Variants in WWOX observed in about 807,000 individuals in gnomAD.
WWOX encodes WW domain containing oxidoreductase.
In WWOX, 69 loss-of-function variants were observed where a neutral mutation model predicts 46.2. The ratio of observed to expected loss-of-function variants is 1.49; its 90% CI spans 1.23 to 1.82. WWOX has a LOEUF of 1.82. Among genes scored for constraint, WWOX ranks in the 40% most tolerant of loss-of-function variants. The pLI is 0.00. For missense variants in WWOX, 919 were observed against 542.6 expected, an observed-to-expected ratio of 1.69 and a Z score of -6.89; for synonymous variants, 359 against 202.6, an observed-to-expected ratio of 1.77 and a Z score of -6.56.
intron 8 of WWOX, among the ~76,000 whole-genome samples, chr16:78,532,447 A>G (rs1401666121): frequency 6.6e-6 from 1 of 152,158 alleles, no homozygotes; most frequent in African/African-American, 2.4e-5. Context: ...GCTGAAATGC[A>G]TGAACATGCT....
At chr16:78,887,077 G>GT (rs1555559537) in intron 8 of WWOX, among the ~76,000 whole-genome samples, 1 of 61,310 alleles carries the variant, frequency 1.6e-5, no homozygotes, top group African/African-American at 4.6e-5. Context: ...GTGTGTGTGT[G>GT]GTGTGTGTGT....
At chr16:78,695,368 A>G in intron 8 of WWOX, among the ~76,000 whole-genome samples, 1 of 152,142 alleles carries the variant, frequency 6.6e-6, no homozygotes, top group African/African-American at 2.4e-5. Flanking sequence ...TTTAAGCAGG[A>G]AACAATGAAT....
At chr16:78,123,751 C>T (rs113989352) in intron 4 of WWOX, 4 of 151,590 alleles carry the variant, frequency 2.6e-5, no homozygotes, top group Admixed American at 2.6e-4. Context: ...CTACTGCACC[C>T]GCAACCCTAT....
intron 8 of WWOX, among the ~76,000 whole-genome samples, chr16:79,046,909 C>G (rs1488516564): frequency 6.6e-6 from 1 of 152,168 alleles, no homozygotes; most frequent in Non-Finnish European, 1.5e-5. Flanking sequence ...CGATTGGTTA[C>G]TCAAATTCTT....
chr16:78,863,836 A>G (rs554564937), intron 8 of WWOX, among the ~76,000 whole-genome samples: 10 of 152,328 alleles, frequency 6.6e-5, no homozygotes, highest in Non-Finnish European at 1.0e-4. Flanking sequence ...TCCACATCCT[A>G]TAAATGCTAT....
At chr16:78,685,892 G>GA (rs747084818) in intron 8 of WWOX, among the ~76,000 whole-genome samples, 27 of 113,518 alleles carry the variant, frequency 2.4e-4, no homozygotes, top group South Asian at 6.6e-4. Context: ...AGAGAGAGAG[G>GA]AAAAAAAACA....
chr16:78,382,844 A>G (rs911387527), intron 5 of WWOX, among the ~76,000 whole-genome samples: 1 of 152,074 alleles, frequency 6.6e-6, no homozygotes, highest in African/African-American at 2.4e-5. Flanking sequence ...AAGTTGTGTT[A>G]GTTCCTTCTC....
At chr16:78,178,722 G>A (rs1021376636) in intron 5 of WWOX, among the ~76,000 whole-genome samples, 4 of 152,084 alleles carry the variant, frequency 2.6e-5, no homozygotes, top group African/African-American at 9.7e-5. Flanking sequence ...AAATTAGCCA[G>A]TTGTCTTGGC....
intron 8 of WWOX, among the ~76,000 whole-genome samples, chr16:78,449,021 A>G (rs1381124551): frequency 6.6e-6 from 1 of 152,136 alleles, no homozygotes; most frequent in Non-Finnish European, 1.5e-5. Flanking sequence ...AAGCAGTGTT[A>G]TTACAGGGTA....
intron 8 of WWOX, among the ~76,000 whole-genome samples, chr16:78,543,908 A>G (rs144433183): frequency 2.0e-5 from 3 of 152,294 alleles, no homozygotes; most frequent in African/African-American, 7.2e-5. Flanking sequence ...AATCATCAAT[A>G]AACTAACATC....
At chr16:78,847,045 C>A (rs1170904171) in intron 8 of WWOX, among the ~76,000 whole-genome samples, 1 of 152,222 alleles carries the variant, frequency 6.6e-6, no homozygotes. Context: ...TTTTGACATG[C>A]CCCGTTCTTT....
At chr16:78,226,412 A>G (rs990466610) in intron 5 of WWOX, among the ~76,000 whole-genome samples, 1 of 151,686 alleles carries the variant, frequency 6.6e-6, no homozygotes, top group Non-Finnish European at 1.5e-5. Context: ...GATGCTGCCT[A>G]GAAAATATTA....
At chr16:78,610,081 A>G (rs373817063) in intron 8 of WWOX, among the ~76,000 whole-genome samples, 1 of 152,054 alleles carries the variant, frequency 6.6e-6, no homozygotes, top group Admixed American at 6.6e-5. Context: ...TGCTTCAGCA[A>G]GGTTTCTTTG....
chr16:78,106,209 A>G (rs2032133232), intron 1 of WWOX, among the ~76,000 whole-genome samples: 1 of 152,162 alleles, frequency 6.6e-6, no homozygotes, highest in Non-Finnish European at 1.5e-5. Flanking sequence ...GGAAAATGCA[A>G]GTCCATCTCT....
At chr16:79,167,521 A>G (rs1217105396) in intron 8 of WWOX, among the ~76,000 whole-genome samples, 1 of 152,040 alleles carries the variant, frequency 6.6e-6, no homozygotes, top group Non-Finnish European at 1.5e-5. Flanking sequence ...GACCTGCACT[A>G]GATGTTTTGC....
intron 8 of WWOX, among the ~76,000 whole-genome samples, chr16:78,465,042 T>C (rs1209503533): frequency 6.6e-6 from 1 of 152,146 alleles, no homozygotes; most frequent in Non-Finnish European, 1.5e-5. Context: ...GGAACTGCCC[T>C]TTATAAAATC....
chr16:78,173,877 T>C (rs1176259556), intron 5 of WWOX, among the ~76,000 whole-genome samples: 2 of 151,974 alleles, frequency 1.3e-5, no homozygotes, highest in African/African-American at 4.8e-5. Context: ...CCTTGTTGAG[T>C]TCTTAGTGAG....
At chr16:78,811,063 C>T (rs886299150) in intron 8 of WWOX, among the ~76,000 whole-genome samples, 7 of 152,174 alleles carry the variant, frequency 4.6e-5, no homozygotes, top group African/African-American at 1.2e-4. Flanking sequence ...GACAGGAAAG[C>T]AGTGTGCCAG....
At chr16:78,890,820 A>G (rs1225937792) in intron 8 of WWOX, 1 of 152,210 alleles carries the variant, frequency 6.6e-6, no homozygotes, top group Non-Finnish European at 1.5e-5. Context: ...GGTTTCGAGC[A>G]TGTTTTGTCA....
Sources: gnomAD v4.1 joint callset for allele counts (sites outside exome capture counted in the v4.1 genomes callset) on GRCh38, gnomAD v4.1.1 for gene constraint, MANE v1.5 for transcripts, NCBI Gene and HGNC (gene_info 2026-07-23, HGNC 2026-07-21) for gene names.